Variants in NR2C2 observed in about 807,000 individuals in gnomAD.
The protein encoded by NR2C2 is Nuclear hormone receptor TR4.
NR2C2 carries 6 observed loss-of-function variants against 62.9 expected under a neutral mutation model. The ratio of observed to expected loss-of-function variants is 0.10; its 90% CI spans 0.05 to 0.19. The LOEUF (loss-of-function observed/expected upper bound fraction) is 0.19. Ranked by LOEUF, NR2C2 falls within the 10% of genes least tolerant of loss-of-function variation. The probability of loss-of-function intolerance (pLI) is 1.00; values close to 1 mark genes in which losing one functional copy is unlikely to be tolerated. For synonymous variants in NR2C2, 272 were observed against 273.8 expected (o/e 0.99, Z 0.07); for missense variants, 479 against 762.7 (o/e 0.63, Z 4.38).
intron 4 of NR2C2, 109 bp downstream of exon 4, chr3:15,016,363 T>C (rs958821411): frequency 1.4e-6 from 1 of 735,846 alleles, no homozygotes; most frequent in Non-Finnish European, 2.3e-6. Flanking sequence ...TGTACGTTTG[T>C]AGGTTTCACA....
At chr3:14,958,664 A>G (rs1418545028) in intron 1 of NR2C2, among the ~76,000 whole-genome samples, 1 of 152,236 alleles carries the variant, frequency 6.6e-6, no homozygotes, top group Non-Finnish European at 1.5e-5. Flanking sequence ...TATCAAAACA[A>G]TAGGATTTTT....
intron 1 of NR2C2, among the ~76,000 whole-genome samples, chr3:15,000,672 T>C (rs1407792867): frequency 6.6e-6 from 1 of 152,216 alleles, no homozygotes; most frequent in East Asian, 1.9e-4. Context: ...TGCATTCCCA[T>C]ATGAATTTTA....
chr3:15,034,233 C>T (rs538473453), intron 10 of NR2C2: 1 of 153,462 alleles, frequency 6.5e-6, no homozygotes, highest in African/African-American at 2.4e-5. Flanking sequence ...CTGCCTCCTG[C>T]CCTGCAGGGT....
At chr3:14,989,549 C>T (rs944092758) in intron 1 of NR2C2, among the ~76,000 whole-genome samples, 1 of 152,078 alleles carries the variant, frequency 6.6e-6, no homozygotes, top group Non-Finnish European at 1.5e-5. Flanking sequence ...AATTCCAGTG[C>T]TTTGAGAGGC....
At chr3:14,975,287 C>G (rs1161703307) in intron 1 of NR2C2, among the ~76,000 whole-genome samples, 2 of 152,098 alleles carry the variant, frequency 1.3e-5, no homozygotes, top group African/African-American at 4.8e-5. Flanking sequence ...TTGTCTTGTT[C>G]CTTATCTTAG....
intron 4 of NR2C2, among the ~76,000 whole-genome samples, chr3:15,020,412 G>A (rs1413368599): frequency 6.6e-6 from 1 of 152,242 alleles, no homozygotes; most frequent in Admixed American, 6.5e-5. Context: ...GTGTGTTCAA[G>A]TGGACAGTAG....
chr3:14,991,939 T>G (rs1190603374), intron 1 of NR2C2, among the ~76,000 whole-genome samples: 1 of 151,730 alleles, frequency 6.6e-6, no homozygotes, highest in Non-Finnish European at 1.5e-5. Context: ...CTGGATAATG[T>G]TTTTAATTTT....
At chr3:15,001,525 G>T (rs1302660229) in intron 1 of NR2C2, among the ~76,000 whole-genome samples, 1 of 151,826 alleles carries the variant, frequency 6.6e-6, no homozygotes, top group African/African-American at 2.4e-5. Context: ...AGTAGAGATG[G>T]GGTTTCACCA....
At chr3:15,015,375 G>A (rs2041479639) in intron 3 of NR2C2, among the ~76,000 whole-genome samples, 1 of 152,196 alleles carries the variant, frequency 6.6e-6, no homozygotes, top group Non-Finnish European at 1.5e-5. Context: ...CACAAATGAG[G>A]GGAAGATAGC....
chr3:14,988,426 A>G (rs1181819013), intron 1 of NR2C2, among the ~76,000 whole-genome samples: 1 of 152,214 alleles, frequency 6.6e-6, no homozygotes, highest in African/African-American at 2.4e-5. Context: ...AGGACCACAC[A>G]CTGATAAAGC....
At chr3:14,983,275 A>G (rs1296846769) in intron 1 of NR2C2, among the ~76,000 whole-genome samples, 1 of 152,184 alleles carries the variant, frequency 6.6e-6, no homozygotes, top group African/African-American at 2.4e-5. Flanking sequence ...TCGGATAACC[A>G]TCATTCCATT....
intron 4 of NR2C2, among the ~76,000 whole-genome samples, chr3:15,018,872 G>A (rs1398400591): frequency 7.2e-5 from 11 of 151,832 alleles, no homozygotes; most frequent in Non-Finnish European, 1.2e-4. Flanking sequence ...AAAATTAGCT[G>A]GGTGTGGTAG....
intron 1 of NR2C2, among the ~76,000 whole-genome samples, chr3:14,997,210 A>G (rs1559553603): frequency 6.6e-6 from 1 of 152,222 alleles, no homozygotes; most frequent in Non-Finnish European, 1.5e-5. Flanking sequence ...CACCACAGTC[A>G]CATGCTGTAC....
In NR2C2 at chr3:15,032,471, T is replaced by C. The variant is rs2042005027; in HGVS notation, c.1203T>C (p.Ala401=). Residue 401 remains alanine, a synonymous_variant, in exon 10 of 14, where the codon GCT becomes GCC. Coordinates refer to ENST00000425241, the MANE Select transcript of NR2C2 (RefSeq NM_001291694.2). The part of the protein sequence containing the change: ...SRLLFLSMHW[A]RSIPAFQALG... The stretch of plus-strand genomic sequence containing the variant: ...TGCTTTTCCTCTCAATGCACTGGGC[T>C]CGGTCAATCCCAGCCTTTCAGGCAC... The C allele has an allele frequency of 1.2e-6, 2 of 1,614,244 alleles. No individual in the cohort carries two copies. Among genetic ancestry groups the C allele is most frequent in the South Asian group, 1.1e-5 (1 of 91,086 alleles).
chr3:14,949,547 A>G (rs1322627747), intron 1 of NR2C2, among the ~76,000 whole-genome samples: 1 of 152,264 alleles, frequency 6.6e-6, no homozygotes, highest in East Asian at 1.9e-4. Flanking sequence ...CGAGGAAAAT[A>G]CAGCCTTCAT....
intron 1 of NR2C2, among the ~76,000 whole-genome samples, chr3:14,964,613 C>T (rs903946752): frequency 3.9e-5 from 6 of 151,912 alleles, no homozygotes; most frequent in Admixed American, 1.3e-4. Context: ...TTCCCAGGTT[C>T]ACGCCATTCT....
Position 14,998,061 on chromosome 3 carries a change from C to T in NR2C2, c.-39-5815C>T, listed in dbSNP as rs76232253. Reference sequence around the variant, plus strand: ...AATCATGCAATATATGGTGGTCTTTCGTGGCTGAGTCTTCCATGTTGTAGC... The same window carrying T: ...AATCATGCAATATATGGTGGTCTTTTGTGGCTGAGTCTTCCATGTTGTAGC... On this transcript the variant is annotated intron_variant, in intron 1 of 13. Coordinates refer to ENST00000425241, the MANE Select transcript of NR2C2 (RefSeq NM_001291694.2). Among the ~76,000 whole-genome samples, 862 of 152,292 alleles carry T rather than the reference C, an allele frequency of 5.7e-3. 11 individuals carry two copies. Among genetic ancestry groups the T allele is most frequent in the African/African-American group, 0.019 (802 of 41,566 alleles).
At chr3:15,009,444 TA>T (rs1440763485) in intron 2 of NR2C2, among the ~76,000 whole-genome samples, 1 of 152,174 alleles carries the variant, frequency 6.6e-6, no homozygotes, top group Non-Finnish European at 1.5e-5. Flanking sequence ...AAACCATGCA[TA>T]AACACAAAAT....
intron 10 of NR2C2, among the ~76,000 whole-genome samples, chr3:15,033,503 C>T (rs976783025): frequency 1.1e-4 from 16 of 152,142 alleles, no homozygotes; most frequent in African/African-American, 3.6e-4. Flanking sequence ...AAAGGAAAGG[C>T]AGTCAGAATT....
Sources: allele counts gnomAD v4.1 joint callset (sites outside exome capture counted in the v4.1 genomes callset), GRCh38; gene constraint gnomAD v4.1.1; transcripts MANE v1.5; gene names NCBI Gene and HGNC (gene_info 2026-07-23, HGNC 2026-07-21).